Variants in TAFA2 observed in about 807,000 individuals in gnomAD.
TAFA2 encodes the protein TAFA chemokine like family member 2, also known as chemokine-like protein TAFA-2.
Under a neutral mutation model 18.8 loss-of-function variants are expected in TAFA2, and 7 were observed. The ratio of observed to expected loss-of-function variants is 0.37; its 90% confidence interval spans 0.21 to 0.70. The LOEUF (loss-of-function observed/expected upper bound fraction) is 0.70. Among genes scored for constraint, TAFA2 ranks in the 30% least tolerant of loss-of-function variants. The pLI, the probability that TAFA2 is intolerant of heterozygous loss-of-function variation, is 0.53. For synonymous variants in TAFA2, 60 were observed against 54.2 expected (o/e 1.11, Z -0.47); for missense variants, 122 against 158.1 (o/e 0.77, Z 1.23).
At chr12:62,086,484 A>T (rs1216474448) in intron 1 of TAFA2, among the ~76,000 whole-genome samples, 5 of 152,172 alleles carry the variant, frequency 3.3e-5, no homozygotes, top group Non-Finnish European at 1.5e-5. Context: ...AAACGGACAA[A>T]GACTTGAATA....
chr12:62,238,407 A>G (rs1401797816), intron 1 of TAFA2, among the ~76,000 whole-genome samples: 1 of 152,186 alleles, frequency 6.6e-6, no homozygotes, highest in Non-Finnish European at 1.5e-5. Flanking sequence ...ATCACTCAAC[A>G]ATAACCATTT....
Position 62,235,098 on chromosome 12 carries a change from G to C in TAFA2, c.-130+23665C>G, listed in dbSNP as rs74326797. 2.7e-3 allele frequency: 1,713 copies of C among 628,076 alleles called. 16 individuals carry two copies. Among genetic ancestry groups the C allele is most frequent in the African/African-American group, 0.026 (1,456 of 55,800 alleles). 38.9% of individuals were successfully genotyped at this position (628,076 alleles called of 1,614,324 possible). A position where few individuals can be genotyped will look rare whatever the true frequency, so the allele number is the denominator to read the frequency against. ...CCTGAAGGCCCTGGCCACCTTTGGA[G>C]TACTGGCCTCTCCTACAGGCATTAT... On this transcript the variant is annotated intron_variant, in intron 1 of 5. Transcript: ENST00000551619.
chr12:61,950,692 G>T, intron 1 of TAFA2, among the ~76,000 whole-genome samples: 1 of 151,900 alleles, frequency 6.6e-6, no homozygotes, highest in Non-Finnish European at 1.5e-5. Flanking sequence ...AATTTGTTCT[G>T]GTTTTTAAAA....
At chr12:62,124,186 G>GA (rs926034014) in intron 1 of TAFA2, among the ~76,000 whole-genome samples, 10 of 151,106 alleles carry the variant, frequency 6.6e-5, no homozygotes, top group African/African-American at 1.9e-4. Context: ...AAACTGTACA[G>GA]AAAAAAAAGC....
intron 1 of TAFA2, among the ~76,000 whole-genome samples, chr12:62,153,483 C>A (rs1288944980): frequency 6.6e-6 from 1 of 151,928 alleles, no homozygotes; most frequent in African/African-American, 2.4e-5. Flanking sequence ...GGCAACAGAG[C>A]AAGACCCCAT....
rs111892884 is a variant in TAFA2, at chr12:62,058,229, G to T, written c.-2+133030C>A. ...GATTATAAGATCATCTCACTCCCAT[G>T]ATGATGGGCCTTTAGTGAGATTTCC... On this transcript the variant is annotated intron_variant, in intron 1 of 4. Coordinates refer to ENST00000416284, the MANE Select transcript of TAFA2 (RefSeq NM_178539.5). Among the ~76,000 whole-genome samples, 299 of 152,226 alleles carry T rather than the reference G, an allele frequency of 2.0e-3. 2 individuals carry two copies. Among genetic ancestry groups the T allele is most frequent in the African/African-American group, 6.8e-3 (283 of 41,536 alleles).
intron 1 of TAFA2, among the ~76,000 whole-genome samples, chr12:62,244,252 T>TG (rs778970181): frequency 6.8e-6 from 1 of 146,080 alleles, no homozygotes; most frequent in African/African-American, 2.5e-5. Flanking sequence ...TTTTTTTTTT[T>TG]GCATAATGTT....
At chr12:62,091,795 T>A (rs1018247124) in intron 1 of TAFA2, among the ~76,000 whole-genome samples, 28 of 152,032 alleles carry the variant, frequency 1.8e-4, no homozygotes, top group African/African-American at 4.6e-4. Flanking sequence ...TACTGTTTCA[T>A]AACTGTCTCA....
In TAFA2 at chr12:61,764,929, G is replaced by T. The variant is rs1333537523; in HGVS notation, c.107-9905C>A. 2.6e-5 allele frequency among the ~76,000 whole-genome samples: 4 copies of T among 152,152 alleles called. No individual in the cohort carries two copies. The East Asian group carries it at 5.8e-4, about 22-fold the overall frequency. On this transcript the variant is annotated intron_variant, in intron 2 of 4. Transcript: ENST00000416284. ...TTATGTACAAAACAGCTTGATTATG[G>T]TCAATTCCACGAGAGAGATCTAGTT...
Position 61,768,681 on chromosome 12 carries a change from C to T in TAFA2, c.107-13657G>A, listed in dbSNP as rs373248259. Among the ~76,000 whole-genome samples, 5 of 152,036 alleles carry T rather than the reference C, an allele frequency of 3.3e-5. No individual in the cohort carries two copies. In the East Asian group the frequency reaches 9.7e-4, roughly 30 times the overall value. On this transcript the variant is annotated intron_variant, in intron 2 of 4. Coordinates refer to ENST00000416284, the MANE Select transcript of TAFA2 (RefSeq NM_178539.5). ...GCTGGAAGAGTGCTGTGGGCACTCT[C>T]GGTCCCCAGGGAAGGCATTCCTGAT...
chr12:62,194,771 C>G (rs541600004), upstream of TAFA2, among the ~76,000 whole-genome samples: 68 of 152,244 alleles, frequency 4.5e-4, no homozygotes, highest in African/African-American at 1.6e-3. Context: ...AGGCATGCCT[C>G]AAAAATGTTG....
intron 2 of TAFA2, among the ~76,000 whole-genome samples, chr12:61,839,522 T>G (rs1873083478): frequency 6.6e-6 from 1 of 152,016 alleles, no homozygotes; most frequent in African/African-American, 2.4e-5. Flanking sequence ...AACAGTGGAT[T>G]GGATAAAGAA....
intron 1 of TAFA2, among the ~76,000 whole-genome samples, chr12:62,176,205 T>C (rs573528141): frequency 8.1e-4 from 124 of 152,344 alleles, no homozygotes; most frequent in African/African-American, 2.6e-3. Flanking sequence ...AAAATTAATT[T>C]AAAATAGATT....
At chr12:62,175,234 A>G (rs1019695808) in intron 1 of TAFA2, among the ~76,000 whole-genome samples, 1 of 152,124 alleles carries the variant, frequency 6.6e-6, no homozygotes, top group Non-Finnish European at 1.5e-5. Context: ...GCTGACAAAG[A>G]TTACATGCAG....
In TAFA2 at chr12:61,708,462, G is replaced by A. The variant is rs1056314282; in HGVS notation, c.*1944C>T. 6.6e-6 allele frequency: 1 copy of A among 152,014 alleles called. No individual in the cohort carries two copies. 9.4% of individuals were successfully genotyped at this position (152,014 alleles called of 1,614,324 possible). A position where few individuals can be genotyped will look rare whatever the true frequency, so the allele number is the denominator to read the frequency against. On this transcript the variant is annotated 3_prime_UTR_variant, in exon 5 of 5. Coordinates refer to ENST00000416284, the MANE Select transcript of TAFA2 (RefSeq NM_178539.5). ...TAGTTTAAAAAATGAGAAGCATGAT[G>A]TATAATTTCAAATCTCAAACAAACC...
At chr12:62,056,809 T>C (rs1440150892) in intron 1 of TAFA2, among the ~76,000 whole-genome samples, 1 of 152,118 alleles carries the variant, frequency 6.6e-6, no homozygotes, top group Non-Finnish European at 1.5e-5. Flanking sequence ...GGAGGAGAAA[T>C]GGGTGCTGCC....
intron 4 of TAFA2, among the ~76,000 whole-genome samples, chr12:61,741,774 C>A (rs2120703083): frequency 6.6e-6 from 1 of 152,230 alleles, no homozygotes; most frequent in East Asian, 1.9e-4. Context: ...TCTGAATCCC[C>A]AAAATCTAGC....
At position 61,901,951 on chromosome 12, in the gene TAFA2, G is replaced by C. The variant is rs149745584; in HGVS notation, c.-1-34525C>G. 5.4e-3 allele frequency among the ~76,000 whole-genome samples: 820 copies of C among 152,190 alleles called. 12 individuals carry two copies. Among genetic ancestry groups the C allele is most frequent in the African/African-American group, 0.018 (756 of 41,524 alleles). ...TTCATTGCACATGACTAGAATAGCA[G>C]TATAACTTCTATCAAACACAGTTTT... On this transcript the variant is annotated intron_variant, in intron 1 of 4. Transcript: ENST00000416284.
intron 1 of TAFA2, among the ~76,000 whole-genome samples, chr12:62,065,668 A>G (rs1322411328): frequency 6.6e-6 from 1 of 151,854 alleles, no homozygotes; most frequent in Non-Finnish European, 1.5e-5. Flanking sequence ...TGGTTTCACT[A>G]GCCAAGAAGA....
Sources: allele counts gnomAD v4.1 joint callset (sites outside exome capture counted in the v4.1 genomes callset), GRCh38; gene constraint gnomAD v4.1.1; transcripts MANE v1.5; gene names NCBI Gene and HGNC (gene_info 2026-07-23, HGNC 2026-07-21).